The following ANGPT2 variants were observed in gnomAD, a reference collection of about 807,000 sequenced individuals.
ANGPT2 encodes angiopoietin 2.
ANGPT2 carries 28 observed loss-of-function variants against 62.9 expected under a neutral mutation model. That is an observed-to-expected ratio of 0.44 (90% confidence interval 0.33 to 0.61). The LOEUF is 0.61. Ranked by LOEUF, ANGPT2 falls within the 20% of genes least tolerant of loss-of-function variation. The pLI is 0.03. For synonymous variants in ANGPT2, 284 were observed against 207.8 expected (o/e 1.37, Z -3.15); for missense variants, 727 against 594.9 (o/e 1.22, Z -2.31).
intron 2 of ANGPT2, among the ~76,000 whole-genome samples, chr8:6,530,204 T>C (rs528944717): frequency 1.3e-5 from 2 of 152,086 alleles, no homozygotes; most frequent in African/African-American, 4.8e-5. Flanking sequence ...GTTGGTGCAA[T>C]TTTGCCATTG....
At chr8:6,519,726 G>A (rs1381175603) in intron 5 of ANGPT2, 138 bp downstream of exon 5, 1 of 1,045,670 alleles carries the variant, frequency 9.6e-7, no homozygotes, top group African/African-American at 1.6e-5. Context: ...AGGCGAGGTA[G>A]CTGCCCAGTA....
chr8:6,533,863 G>T (rs1340674105), intron 1 of ANGPT2, among the ~76,000 whole-genome samples: 1 of 152,164 alleles, frequency 6.6e-6, no homozygotes, highest in African/African-American at 2.4e-5. Flanking sequence ...CTGTCTTTAA[G>T]AGTAGGAAAA....
At chr8:6,525,336 C>A (rs932021019) in intron 3 of ANGPT2, among the ~76,000 whole-genome samples, 1 of 152,158 alleles carries the variant, frequency 6.6e-6, no homozygotes, top group South Asian at 2.1e-4. Flanking sequence ...TTCAAGCGAT[C>A]CACCTGCCTC....
At chr8:6,506,106 C>G (rs187117872) in intron 8 of ANGPT2, among the ~76,000 whole-genome samples, 1 of 150,736 alleles carries the variant, frequency 6.6e-6, no homozygotes. Flanking sequence ...TACATTGTTT[C>G]TTGGTGGTAA....
At chr8:6,530,519 AAAAAAAAAAAAAGT>A (rs1383288955) in intron 2 of ANGPT2, among the ~76,000 whole-genome samples, 3 of 148,526 alleles carry the variant, frequency 2.0e-5, no homozygotes, top group African/African-American at 7.5e-5. Flanking sequence ...AAAAAAAAAA[AAAAAAAAAAAAAGT>A]AATGGCAAAA....
At chr8:6,554,352 C>G (rs1824211649) in intron 1 of ANGPT2, among the ~76,000 whole-genome samples, 2 of 151,586 alleles carry the variant, frequency 1.3e-5, no homozygotes, top group African/African-American at 4.8e-5. Context: ...CCTTTTAAGA[C>G]TTTGTTCACG....
In ANGPT2 at chr8:6,499,886, C is replaced by T; in HGVS notation, c.*3215G>A. 6.2e-7 allele frequency: 1 copy of T among 1,613,530 alleles called. No homozygotes were observed. Among genetic ancestry groups the T allele is most frequent in the Non-Finnish European group, 8.5e-7 (1 of 1,179,996 alleles). ...TCTTTAGAATTGGGTCACTGGATTT[C>T]TGAGGAGCCGTTCGAACTGTCTCAC... On this transcript the variant is annotated 3_prime_UTR_variant, in exon 9 of 9. Transcript: ENST00000629816.
intron 5 of ANGPT2, 144 bp from the exon 6 acceptor site, chr8:6,514,922 G>T: frequency 3.2e-6 from 2 of 619,136 alleles, no homozygotes; most frequent in Non-Finnish European, 5.8e-6. Context: ...GACCATCGGG[G>T]TTGTCTAAGA....
At chr8:6,505,953 ATATATAAAAACATACATATTCTTTG>A (rs61720737) in intron 8 of ANGPT2, among the ~76,000 whole-genome samples, 15,596 of 28,710 alleles carry the variant, frequency 0.54, 3,390 homozygotes, top group African/African-American at 0.59. Context: ...TTATATATGT[ATATATAAAAACATACATATTCTTTG>A]TATATATAAA....
At position 6,533,569 on chromosome 8, in the gene ANGPT2, C is replaced by CTTT. The variant is rs56882906; in HGVS notation, c.289-1085_289-1083dup. ...ACTCCAGATACTTAGCGTTTAGTTTCTTTTTTTTTTTTTTTTTTTTTTTAA... is the reference window on the plus strand; with the variant it reads ...ACTCCAGATACTTAGCGTTTAGTTTCTTTTTTTTTTTTTTTTTTTTTTTTTTAA... On this transcript the variant is annotated intron_variant, in intron 1 of 8. Transcript: ENST00000629816. 3.4e-3 allele frequency among the ~76,000 whole-genome samples: 390 copies of CTTT among 113,278 alleles called. 9 individuals carry two copies. The highest frequency in any genetic ancestry group is 6.5e-3 in the East Asian group (24 of 3,672). 74.3% of individuals were successfully genotyped at this position (113,278 alleles called of 152,430 possible).
At chr8:6,545,362 C>A (rs952426280) in intron 1 of ANGPT2, among the ~76,000 whole-genome samples, 13 of 152,084 alleles carry the variant, frequency 8.5e-5, no homozygotes, top group South Asian at 6.2e-4. Flanking sequence ...CTCAAAAATT[C>A]TTTTAAAAAC....
At chr8:6,560,032 C>T (rs1207380388) in intron 1 of ANGPT2, among the ~76,000 whole-genome samples, 1 of 152,160 alleles carries the variant, frequency 6.6e-6, no homozygotes, top group Non-Finnish European at 1.5e-5. Context: ...GTCTAAGCTC[C>T]CTAGGCTATG....
intron 5 of ANGPT2, among the ~76,000 whole-genome samples, chr8:6,517,614 T>C (rs1183969558): frequency 2.0e-5 from 3 of 152,192 alleles, no homozygotes; most frequent in Non-Finnish European, 2.9e-5. Flanking sequence ...TGTCTGGTAG[T>C]CTTTGAAGGC....
rs567959596 is a variant in ANGPT2, at chr8:6,500,089, G to A, written c.*3012C>T. 27 of 677,266 alleles carry A rather than the reference G, an allele frequency of 4.0e-5. No individual in the cohort carries two copies. Among genetic ancestry groups the A allele is most frequent in the African/African-American group, 1.4e-4 (8 of 56,148 alleles). 42.0% of individuals were successfully genotyped at this position (677,266 alleles called of 1,614,324 possible). On this transcript the variant is annotated 3_prime_UTR_variant, in exon 9 of 9. Transcript: ENST00000629816. Reference sequence around the variant, plus strand: ...CTTAACACCTTTTATCAATTTATTCGCGAGAACAAATGTGAGAACGTGAGA... The same window carrying A: ...CTTAACACCTTTTATCAATTTATTCACGAGAACAAATGTGAGAACGTGAGA...
intron 3 of ANGPT2, among the ~76,000 whole-genome samples, chr8:6,523,755 T>C (rs1817807631): frequency 6.6e-6 from 1 of 152,038 alleles, no homozygotes; most frequent in South Asian, 2.1e-4. Flanking sequence ...GCCCAGCTAA[T>C]TTTTTGTATT....
intron 3 of ANGPT2, among the ~76,000 whole-genome samples, chr8:6,524,199 C>T (rs546221735): frequency 8.7e-4 from 132 of 152,218 alleles, no homozygotes; most frequent in African/African-American, 2.9e-3. Flanking sequence ...CTCATATTCC[C>T]TTTTTTGAGT....
chr8:6,527,964 C>T (rs1406181510), intron 2 of ANGPT2, among the ~76,000 whole-genome samples: 7 of 146,534 alleles, frequency 4.8e-5, no homozygotes, highest in Non-Finnish European at 9.0e-5. Flanking sequence ...GGCATGATCT[C>T]GGCTCACTGC....
chr8:6,503,128 G>C lies in ANGPT2; in HGVS notation c.1461C>G (p.Thr487=). Residue 487 remains threonine, a synonymous_variant, in exon 9 of 9, where the codon ACC becomes ACG. Coordinates refer to ENST00000629816, the MANE Select transcript of ANGPT2 (RefSeq NM_001118887.2). ...KGSGYSLKAT[T]MMIRPADF The stretch of plus-strand genomic sequence containing the variant: ...AGAAATCTGCTGGTCGGATCATCAT[G>C]GTTGTGGCCTTGAGCGAATAGCCTG... 2 of 1,614,188 alleles carry C rather than the reference G, an allele frequency of 1.2e-6. No individual in the cohort carries two copies. The highest frequency in any genetic ancestry group is 1.7e-6 in the Non-Finnish European group (2 of 1,180,034).
intron 1 of ANGPT2, among the ~76,000 whole-genome samples, chr8:6,534,434 A>G (rs758495207): frequency 6.6e-6 from 1 of 152,068 alleles, no homozygotes; most frequent in Non-Finnish European, 1.5e-5. Context: ...TCAGTCCCCC[A>G]CAGACATCAA....
Sources: gnomAD v4.1 joint callset for allele counts (sites outside exome capture counted in the v4.1 genomes callset) on GRCh38, gnomAD v4.1.1 for gene constraint, MANE v1.5 for transcripts, NCBI Gene and HGNC (gene_info 2026-07-23, HGNC 2026-07-21) for gene names.